Variants in ZMAT3 observed in about 807,000 individuals in gnomAD.
ZMAT3 encodes the protein zinc finger matrin-type protein 3.
In ZMAT3, 17 loss-of-function variants were observed where a neutral mutation model predicts 32.3. The observed-to-expected ratio is 0.53, with a 90% CI of 0.36 to 0.79. The LOEUF is 0.79. Ranked by LOEUF, ZMAT3 falls within the 30% of genes least tolerant of loss-of-function variation. ZMAT3 has a pLI of 0.00. For synonymous variants in ZMAT3, 120 were observed against 133.1 expected, an observed-to-expected ratio of 0.90 and a Z score of 0.68; for missense variants, 329 against 359.7, an observed-to-expected ratio of 0.91 and a Z score of 0.69.
At position 179,067,827 on chromosome 3, in the gene ZMAT3, A is replaced by T; in HGVS notation, c.-57-18T>A. On this transcript the variant is annotated intron_variant, in intron 1 of 5. Coordinates refer to ENST00000311417, the MANE Select transcript of ZMAT3 (RefSeq NM_022470.4). ...CTTCAAATCTGAATCAACAGCAAAA[A>T]AACAGAAAAAAAAACTCACTTGAAA... 1 of 1,553,160 alleles carries T rather than the reference A, an allele frequency of 6.4e-7. No individual in the cohort carries two copies.
chr3:179,033,945 CTACA>C (rs1719439515), intron 2 of ZMAT3, among the ~76,000 whole-genome samples: 1 of 152,186 alleles, frequency 6.6e-6, no homozygotes, highest in African/African-American at 2.4e-5. Context: ...CCCTTTTCCA[CTACA>C]GCATGATGGC....
chr3:179,062,367 G>A (rs1560098840), intron 2 of ZMAT3, among the ~76,000 whole-genome samples: 1 of 152,198 alleles, frequency 6.6e-6, no homozygotes, highest in African/African-American at 2.4e-5. Flanking sequence ...GAAGGTTGCT[G>A]CTGCTATTTT....
At position 179,025,227 on chromosome 3, in the gene ZMAT3, T is replaced by C. The variant is rs2108533152; in HGVS notation, c.660A>G (p.Ala220=). The part of the protein sequence containing the change: ...RNMYTVQNNS[A]GPYFNPRSRQ... The stretch of plus-strand genomic sequence containing the variant: ...GAGAGCGGGGATTGAAGTAAGGACC[T>C]GCTAAAGCAAGAGATAAAAATAATA... The change falls in exon 6 of 6, where the codon GCA becomes GCG. Residue 220 remains alanine (A), a splice_region_variant and synonymous_variant. Coordinates refer to ENST00000311417, the MANE Select transcript of ZMAT3 (RefSeq NM_022470.4). 1 of 1,610,362 alleles carries C rather than the reference T, an allele frequency of 6.2e-7. No individual in the cohort carries two copies. Among genetic ancestry groups the C allele is most frequent in the Non-Finnish European group, 8.5e-7 (1 of 1,177,540 alleles).
intron 2 of ZMAT3, among the ~76,000 whole-genome samples, chr3:179,050,066 G>C (rs1362089239): frequency 2.3e-5 from 3 of 128,670 alleles, no homozygotes; most frequent in African/African-American, 8.8e-5. Context: ...ACACCTCACA[G>C]AACTGGAGAA....
At chr3:179,067,095 G>A (rs543445120) in intron 2 of ZMAT3, among the ~76,000 whole-genome samples, 4 of 152,204 alleles carry the variant, frequency 2.6e-5, no homozygotes, top group African/African-American at 9.6e-5. Flanking sequence ...ACACTGAATT[G>A]AGTTCGGTAC....
chr3:179,060,559 G>A lies in ZMAT3; in HGVS notation c.270+6924C>T, dbSNP rs552993317. ...CTCAGGTGGCTGAGACAGGAGAATC[G>A]CTTAAACACAGGAGGCAGAAGTTGC... On this transcript the variant is annotated intron_variant, in intron 2 of 5. Transcript: ENST00000311417. 1.4e-3 allele frequency among the ~76,000 whole-genome samples: 210 copies of A among 152,176 alleles called. 3 individuals carry two copies. Among genetic ancestry groups the A allele is most frequent in the African/African-American group, 4.9e-3 (203 of 41,534 alleles).
chr3:179,058,624 C>T (rs941881377), intron 2 of ZMAT3, among the ~76,000 whole-genome samples: 10 of 151,404 alleles, frequency 6.6e-5, no homozygotes, highest in African/African-American at 1.9e-4. Context: ...GGGGTAGTGG[C>T]GGGCGCCTGT....
rs535489404 is a variant in ZMAT3 at position 179,054,212 on chromosome 3, T to C, written c.270+13271A>G. On this transcript the variant is annotated intron_variant, in intron 2 of 5. Transcript: ENST00000311417. Reference sequence around the variant, plus strand: ...ACTGCACCTTGGGACCACTCAACACTGTCAAGGACTATCTCAGGTACCAGG... The same window carrying C: ...ACTGCACCTTGGGACCACTCAACACCGTCAAGGACTATCTCAGGTACCAGG... Among the ~76,000 whole-genome samples the C allele has an allele frequency of 3.3e-5, 5 of 152,378 alleles. No homozygotes were observed. In the East Asian group the frequency reaches 9.6e-4, roughly 29 times the overall value.
rs929145624 is a variant in ZMAT3 at position 179,019,044 on chromosome 3, G to A, written c.*5973C>T. ...AGCAACAGATTGAAATGAGGTATTC[G>A]CTGATTTCATAAACCCCAATCAGTA... On this transcript the variant is annotated 3_prime_UTR_variant, in exon 6 of 6. Coordinates refer to ENST00000311417, the MANE Select transcript of ZMAT3 (RefSeq NM_022470.4). 6.6e-6 allele frequency: 1 copy of A among 152,042 alleles called. No homozygotes were observed. The highest frequency in any genetic ancestry group is 1.5e-5 in the Non-Finnish European group (1 of 67,982). 9.4% of individuals were successfully genotyped at this position (152,042 alleles called of 1,614,324 possible). A position where few individuals can be genotyped will look rare whatever the true frequency, so the allele number is the denominator to read the frequency against.
At chr3:179,068,032 T>C (rs1721511626) in intron 1 of ZMAT3, among the ~76,000 whole-genome samples, 1 of 152,146 alleles carries the variant, frequency 6.6e-6, no homozygotes, top group South Asian at 2.1e-4. Flanking sequence ...TTGGCTTTAT[T>C]TTGCTTGGCA....
chr3:179,070,624 C>T (rs1165051532), intron 1 of ZMAT3, among the ~76,000 whole-genome samples: 1 of 152,198 alleles, frequency 6.6e-6, no homozygotes, highest in Non-Finnish European at 1.5e-5. Context: ...ACATGCAACT[C>T]AGATCTGTTC....
intron 2 of ZMAT3, among the ~76,000 whole-genome samples, chr3:179,065,803 G>C (rs760064013): frequency 6.6e-6 from 1 of 152,152 alleles, no homozygotes; most frequent in African/African-American, 2.4e-5. Context: ...CTACTCGAGA[G>C]GGTGAGGCAT....
At chr3:179,067,832 G>GA (rs148464623) in intron 1 of ZMAT3, 23 bp from the exon 2 acceptor site, 1,273 of 1,492,152 alleles carry the variant, frequency 8.5e-4, no homozygotes, top group Non-Finnish European at 9.0e-4. Context: ...CAAAAAAACA[G>GA]AAAAAAAAAC....
At chr3:179,054,759 C>T (rs1331059876) in intron 2 of ZMAT3, among the ~76,000 whole-genome samples, 2 of 152,172 alleles carry the variant, frequency 1.3e-5, no homozygotes, top group Non-Finnish European at 2.9e-5. Flanking sequence ...GACCCGCCGG[C>T]GACTTCCATG....
intron 2 of ZMAT3, among the ~76,000 whole-genome samples, chr3:179,035,608 G>GTT (rs11398357): frequency 1.3e-4 from 19 of 151,164 alleles, no homozygotes; most frequent in Admixed American, 3.3e-4. Context: ...TTGTTGACTT[G>GTT]TTTTTTTTTC....
intron 2 of ZMAT3, among the ~76,000 whole-genome samples, chr3:179,032,926 G>A (rs986175883): frequency 6.8e-5 from 10 of 146,328 alleles, no homozygotes; most frequent in East Asian, 2.1e-4. Flanking sequence ...GTCTCTGCCC[G>A]GCCGCCCCGT....
intron 2 of ZMAT3, 52 bp downstream of exon 2, chr3:179,067,431 A>G: frequency 1.3e-6 from 2 of 1,583,882 alleles, no homozygotes; most frequent in South Asian, 2.2e-5. Context: ...AAATAGCCAG[A>G]GCCCTGAAAT....
chr3:179,055,883 C>T (rs986487908), intron 2 of ZMAT3, among the ~76,000 whole-genome samples: 1 of 152,166 alleles, frequency 6.6e-6, no homozygotes, highest in Non-Finnish European at 1.5e-5. Flanking sequence ...AGGATGACAA[C>T]AGAGGAAAGA....
At chr3:179,033,392 G>A (rs995347228) in intron 2 of ZMAT3, among the ~76,000 whole-genome samples, 1 of 151,894 alleles carries the variant, frequency 6.6e-6, no homozygotes, top group African/African-American at 2.4e-5. Flanking sequence ...GAAAACCAGA[G>A]ACCTCTGTTC....
Sources: gnomAD v4.1 joint callset for allele counts (sites outside exome capture counted in the v4.1 genomes callset) on GRCh38, gnomAD v4.1.1 for gene constraint, MANE v1.5 for transcripts, NCBI Gene and HGNC (gene_info 2026-07-23, HGNC 2026-07-21) for gene names.